DISC1: variants seen among roughly 807,000 people sequenced by gnomAD.
DISC1 encodes DISC1 scaffold protein.
In DISC1, 57 loss-of-function variants were observed where a neutral mutation model predicts 84.5. That is an observed-to-expected ratio of 0.67 (90% CI 0.55 to 0.84). The LOEUF is 0.84. Ranked by LOEUF, DISC1 falls within the 40% of genes least tolerant of loss-of-function variation. The pLI is 0.00. For synonymous variants in DISC1, 411 were observed against 415.2 expected (o/e 0.99, Z 0.12); for missense variants, 1,000 against 1,057.8 (o/e 0.95, Z 0.76).
intron 9 of DISC1, among the ~76,000 whole-genome samples, chr1:231,915,281 G>A (rs2089534119): frequency 6.6e-6 from 1 of 152,076 alleles, no homozygotes. Context: ...TACTTCCTGT[G>A]TGGCTTCAAC....
chr1:231,662,461 C>G (rs1390033219), intron 1 of DISC1, among the ~76,000 whole-genome samples: 1 of 152,164 alleles, frequency 6.6e-6, no homozygotes, highest in Non-Finnish European at 1.5e-5. Flanking sequence ...CTGAAGCCCC[C>G]ACAGGGAGGT....
intron 10 of DISC1, among the ~76,000 whole-genome samples, chr1:231,999,556 C>G (rs545325331): frequency 6.6e-6 from 1 of 152,126 alleles, no homozygotes; most frequent in Non-Finnish European, 1.5e-5. Flanking sequence ...CAAGAGGGAC[C>G]CTGCCACAAC....
At position 231,764,915 on chromosome 1, in the gene DISC1, G is replaced by A. The variant is rs547593119; in HGVS notation, c.1269-2225G>A. On this transcript the variant is annotated intron_variant, in intron 4 of 12. Transcript: ENST00000439617. ...CATTTAAAACTATCTTTGGAGGCTG[G>A]GCTTGGTGGCTCATGGCTGTAATCC... Among the ~76,000 whole-genome samples the A allele has an allele frequency of 3.3e-5, 5 of 152,156 alleles. No individual in the cohort carries two copies. In the South Asian group the frequency reaches 8.3e-4, roughly 25 times the overall value.
intron 10 of DISC1, among the ~76,000 whole-genome samples, chr1:231,983,583 T>A (rs1465797380): frequency 1.7e-5 from 1 of 57,780 alleles, no homozygotes; most frequent in Non-Finnish European, 3.2e-5. Flanking sequence ...GGGAGGGAGG[T>A]AGTGGGTGGG....
intron 4 of DISC1, among the ~76,000 whole-genome samples, chr1:231,766,071 C>T (rs1332002251): frequency 6.6e-6 from 1 of 152,006 alleles, no homozygotes; most frequent in Non-Finnish European, 1.5e-5. Flanking sequence ...GGGAGGATCA[C>T]TTGAGGTCAG....
chr1:231,871,192 G>A (rs2085432378), intron 9 of DISC1, among the ~76,000 whole-genome samples: 1 of 152,166 alleles, frequency 6.6e-6, no homozygotes, highest in East Asian at 1.9e-4. Flanking sequence ...TAGAGTCACA[G>A]ACTCCTTTTG....
At chr1:231,682,236 A>C (rs1476333106) in intron 1 of DISC1, among the ~76,000 whole-genome samples, 1 of 152,130 alleles carries the variant, frequency 6.6e-6, no homozygotes, top group East Asian at 1.9e-4. Flanking sequence ...CCTGCAATAC[A>C]AATCTGTCTT....
chr1:231,719,601 G>C (rs2069322926), intron 3 of DISC1, among the ~76,000 whole-genome samples: 1 of 152,036 alleles, frequency 6.6e-6, no homozygotes, highest in Non-Finnish European at 1.5e-5. Context: ...TAAATGAGAT[G>C]GTGCATGCTA....
At position 231,803,897 on chromosome 1, in the gene DISC1, A is replaced by G. The variant is rs1477242890; in HGVS notation, c.1792+3687A>G. Among the ~76,000 whole-genome samples, 4 of 125,490 alleles carry G rather than the reference A, an allele frequency of 3.2e-5. No homozygotes were observed. In the South Asian group the frequency reaches 8.3e-4, roughly 26 times the overall value. The allele number at this position is 125,490 out of a possible 152,430, so 82.3% of individuals were successfully genotyped here. A position where few individuals can be genotyped will look rare whatever the true frequency, so the allele number is the denominator to read the frequency against. ...GGGAGGCGGAGCTTGCGGTGAGCCC[A>G]TATCGCGCCACTACACTCCAGCCTG... On this transcript the variant is annotated intron_variant, in intron 8 of 12. Transcript: ENST00000439617.
intron 10 of DISC1, among the ~76,000 whole-genome samples, chr1:231,996,103 G>A (rs558135146): frequency 2.0e-5 from 3 of 152,128 alleles, no homozygotes; most frequent in Non-Finnish European, 2.9e-5. Flanking sequence ...GATGATGAGC[G>A]TTTTTTCATG....
intron 11 of DISC1, among the ~76,000 whole-genome samples, chr1:232,018,120 A>C (rs1668646498): frequency 6.6e-6 from 1 of 152,208 alleles, no homozygotes; most frequent in South Asian, 2.1e-4. Flanking sequence ...ATTTAACTTA[A>C]ACAGTTTCCT....
chr1:231,728,164 A>G (rs1043904488), intron 3 of DISC1, among the ~76,000 whole-genome samples: 2 of 152,050 alleles, frequency 1.3e-5, no homozygotes, highest in East Asian at 3.9e-4. Flanking sequence ...TGATCATTTT[A>G]TTCCTCTTTA....
intron 3 of DISC1, among the ~76,000 whole-genome samples, chr1:231,711,194 T>C (rs2067775811): frequency 6.6e-6 from 1 of 152,008 alleles, no homozygotes; most frequent in African/African-American, 2.4e-5. Context: ...AGATTTACCA[T>C]GCCATGGTGG....
chr1:231,721,043 G>T (rs1187275865), intron 3 of DISC1: 58 of 1,290,822 alleles, frequency 4.5e-5, no homozygotes, highest in Non-Finnish European at 5.9e-5. Flanking sequence ...TGCCATTCTG[G>T]AACTTTTCCC....
intron 10 of DISC1, among the ~76,000 whole-genome samples, chr1:232,006,752 G>A (rs533315209): frequency 3.4e-4 from 52 of 152,338 alleles, no homozygotes; most frequent in African/African-American, 1.2e-3. Context: ...ATTTGCATAA[G>A]TAACAAGCAA....
chr1:231,710,189 A>G (rs1025281558), intron 3 of DISC1, among the ~76,000 whole-genome samples: 3 of 152,080 alleles, frequency 2.0e-5, no homozygotes, highest in South Asian at 2.1e-4. Flanking sequence ...AATGACAAAA[A>G]CAATTAGCCA....
chr1:231,705,653 GT>G (rs2066997881), intron 3 of DISC1, among the ~76,000 whole-genome samples: 1 of 152,072 alleles, frequency 6.6e-6, no homozygotes. Context: ...CATTAGGAAA[GT>G]TTGGAAGACA....
At chr1:231,703,594 C>T (rs199838620) in intron 3 of DISC1, among the ~76,000 whole-genome samples, 10 of 152,296 alleles carry the variant, frequency 6.6e-5, no homozygotes, top group Middle Eastern at 3.4e-3. Context: ...TAGTTTGTCC[C>T]CTGCTCCTGC....
At chr1:232,000,758 C>T (rs1348098642) in intron 10 of DISC1, among the ~76,000 whole-genome samples, 2 of 152,106 alleles carry the variant, frequency 1.3e-5, no homozygotes, top group East Asian at 1.9e-4. Context: ...TCATCTGAAA[C>T]TATGGAAGCC....
Sources: allele counts gnomAD v4.1 joint callset (sites outside exome capture counted in the v4.1 genomes callset), GRCh38; gene constraint gnomAD v4.1.1; transcripts MANE v1.5; gene names NCBI Gene and HGNC (gene_info 2026-07-23, HGNC 2026-07-21).